The following P2RY12 variants were observed in gnomAD, a reference collection of about 807,000 sequenced individuals.
P2RY12 encodes the protein purinergic receptor P2Y12.
P2RY12 carries 3 observed loss-of-function variants against 4.5 expected under a neutral mutation model. The observed-to-expected ratio is 0.67, with a 90% CI of 0.31 to 1.74. The LOEUF is 1.74. Ranked by LOEUF, P2RY12 falls within the 40% of genes most tolerant of loss-of-function variation. The pLI, the probability that P2RY12 is intolerant of heterozygous loss-of-function variation, is 0.09. For synonymous variants in P2RY12, 148 were observed against 154.1 expected (o/e 0.96, Z 0.29); for missense variants, 356 against 407.8 (o/e 0.87, Z 1.09).
In P2RY12 at chr3:151,357,897, C is replaced by T. The variant is rs77805759; in HGVS notation, c.-179-17137G>A. Among the ~76,000 whole-genome samples, 895 of 152,252 alleles carry T rather than the reference C, an allele frequency of 5.9e-3. 14 individuals are homozygous for T. The highest frequency in any genetic ancestry group is 0.02 in the African/African-American group (843 of 41,552). ...GGCTTACTCTACTAATGAAGTTGAG[C>T]TACAGAATTAGCTAATACCACCCCC... On this transcript the variant is annotated intron_variant, in intron 1 of 2. Coordinates refer to ENST00000302632, the MANE Select transcript of P2RY12 (RefSeq NM_022788.5).
intron 1 of P2RY12, among the ~76,000 whole-genome samples, chr3:151,341,523 T>A (rs1477908683): frequency 6.6e-6 from 1 of 151,954 alleles, no homozygotes; most frequent in South Asian, 2.1e-4. Flanking sequence ...GCAAAAAATA[T>A]GTTAGGGGTG....
chr3:151,339,609 C>T (rs567240222), intron 2 of P2RY12, among the ~76,000 whole-genome samples: 1 of 151,702 alleles, frequency 6.6e-6, no homozygotes, highest in East Asian at 1.9e-4. Context: ...CATACATTTT[C>T]TTGAATATCA....
At chr3:151,350,884 T>C (rs1034967565) in intron 1 of P2RY12, among the ~76,000 whole-genome samples, 1 of 152,224 alleles carries the variant, frequency 6.6e-6, no homozygotes, top group African/African-American at 2.4e-5. Flanking sequence ...TTTGTAATTA[T>C]CCACTTCACG....
chr3:151,343,245 A>T (rs1314416423), intron 1 of P2RY12, among the ~76,000 whole-genome samples: 1 of 152,224 alleles, frequency 6.6e-6, no homozygotes, highest in Non-Finnish European at 1.5e-5. Context: ...AGGCTTATTC[A>T]AGAAAATGAT....
chr3:151,374,425 G>A (rs79795513), intron 1 of P2RY12, among the ~76,000 whole-genome samples: 1 of 152,116 alleles, frequency 6.6e-6, no homozygotes, highest in Admixed American at 6.5e-5. Flanking sequence ...GCACATGCCT[G>A]TCATCCCAGC....
At chr3:151,376,260 G>C in intron 1 of P2RY12, 1 of 1,323,298 alleles carries the variant, frequency 7.6e-7, no homozygotes, top group Non-Finnish European at 9.9e-7. Context: ...TAAATTCTTC[G>C]TAATAATAAA....
intron 1 of P2RY12, chr3:151,357,082 T>G: frequency 2.5e-6 from 2 of 802,042 alleles, no homozygotes; most frequent in Non-Finnish European, 3.8e-6. Context: ...GATTAAAAAT[T>G]TTAAAAAAGT....
intron 1 of P2RY12, chr3:151,372,493 T>A: frequency 9.4e-7 from 1 of 1,064,732 alleles, no homozygotes; most frequent in East Asian, 2.4e-5. Flanking sequence ...CTGAATGCTA[T>A]CCTCATTTGC....
chr3:151,346,538 A>C (rs1752562055), intron 1 of P2RY12, among the ~76,000 whole-genome samples: 1 of 152,196 alleles, frequency 6.6e-6, no homozygotes. Context: ...ATGGTTTGTC[A>C]GTAAACAAGA....
chr3:151,384,295 T>G, intron 1 of P2RY12: 1 of 1,345,818 alleles, frequency 7.4e-7, no homozygotes, highest in Non-Finnish European at 1.0e-6. Flanking sequence ...AATTTATTAC[T>G]CATTAAATGT....
At chr3:151,376,931 G>A (rs1005384789) in intron 1 of P2RY12, 22 of 1,608,692 alleles carry the variant, frequency 1.4e-5, no homozygotes, top group East Asian at 6.7e-5. Context: ...GCAAAAACAC[G>A]TTGATGTTTG....
intron 1 of P2RY12, chr3:151,367,846 A>G (rs1327337720): frequency 6.7e-7 from 1 of 1,485,792 alleles, no homozygotes; most frequent in Admixed American, 2.0e-5. Context: ...AACACAGGGA[A>G]AGGAGTATTT....
chr3:151,364,820 A>C (rs1560080336), intron 1 of P2RY12, among the ~76,000 whole-genome samples: 2 of 152,190 alleles, frequency 1.3e-5, no homozygotes, highest in South Asian at 4.1e-4. Flanking sequence ...TACTTTGATT[A>C]GCGCCAATTA....
chr3:151,372,448 A>G (rs957826753), intron 1 of P2RY12: 20 of 696,164 alleles, frequency 2.9e-5, no homozygotes, highest in Middle Eastern at 6.0e-4. Flanking sequence ...ACAACTGGCT[A>G]TTCAATAATA....
At chr3:151,343,470 A>G (rs562156848) in intron 1 of P2RY12, among the ~76,000 whole-genome samples, 2 of 152,270 alleles carry the variant, frequency 1.3e-5, no homozygotes, top group Non-Finnish European at 2.9e-5. Flanking sequence ...CTCTGATAAC[A>G]TTTTTTCATT....
chr3:151,350,042 C>T (rs1354132836), intron 1 of P2RY12: 20 of 1,601,268 alleles, frequency 1.2e-5, no homozygotes, highest in Non-Finnish European at 1.7e-5. Context: ...TTTCAGAATG[C>T]ATTTTCTGTT....
Position 151,338,093 on chromosome 3 carries a change from A to T in P2RY12, c.753T>A (p.Pro251=). ...IIAVFFICFV[P]FHFARIPYTL... is the part of the protein sequence containing the mutation. ...TGTAAGGAATTCGGGCAAAATGGAA[A>T]GGAACAAAACAAATAAAGAATACAG... Residue 251 remains proline, a synonymous_variant, in exon 3 of 3, where the codon CCT becomes CCA. Transcript: ENST00000302632. 6.2e-7 allele frequency: 1 copy of T among 1,613,976 alleles called. No homozygotes were observed. Among genetic ancestry groups the T allele is most frequent in the Non-Finnish European group, 8.5e-7 (1 of 1,179,914 alleles).
At chr3:151,369,361 C>G in intron 1 of P2RY12, 1 of 1,015,414 alleles carries the variant, frequency 9.8e-7, no homozygotes, top group Non-Finnish European at 1.5e-6. Flanking sequence ...CAATGAAAGG[C>G]TGACTGCCTG....
At chr3:151,384,278 G>T in intron 1 of P2RY12, 1 of 1,462,136 alleles carries the variant, frequency 6.8e-7, no homozygotes. Flanking sequence ...ATTATCTAGT[G>T]CATTTTAATT....
Sources: allele counts gnomAD v4.1 joint callset (sites outside exome capture counted in the v4.1 genomes callset), GRCh38; gene constraint gnomAD v4.1.1; transcripts MANE v1.5; gene names NCBI Gene and HGNC (gene_info 2026-07-23, HGNC 2026-07-21).